ZNF546: variants seen among roughly 807,000 people sequenced by gnomAD.
ZNF546 encodes zinc finger protein 546.
In ZNF546, 60 loss-of-function variants were observed where a neutral mutation model predicts 76.2. The observed-to-expected ratio is 0.79, with a 90% CI of 0.64 to 0.98. ZNF546 has a LOEUF of 0.98. Ranked by LOEUF, ZNF546 falls within the 50% of genes least tolerant of loss-of-function variation. The pLI is 0.00. For missense variants in ZNF546, 936 were observed against 1,035.6 expected (o/e 0.90, Z 1.32); for synonymous variants, 277 against 328.1 (o/e 0.84, Z 1.68).
At chr19:39,999,580 A>AT (rs748100892) in intron 3 of ZNF546, 15,329 of 143,812 alleles carry the variant, frequency 0.11, 2,233 homozygotes, top group African/African-American at 0.33. Flanking sequence ...TTTTAGCAAG[A>AT]TTTTTTTTTT....
chr19:40,017,966 C>CTTTTTTTTTT lies in ZNF546; in HGVS notation c.*2205_*2214dup, dbSNP rs1186230239. 3.2e-4 allele frequency: 20 copies of CTTTTTTTTTT among 63,086 alleles called. 4 individuals carry two copies. Among genetic ancestry groups the CTTTTTTTTTT allele is most frequent in the African/African-American group, 8.7e-4 (12 of 13,716 alleles). The allele number at this position is 63,086 out of a possible 1,614,324, so 3.9% of individuals were successfully genotyped here. On this transcript the variant is annotated 3_prime_UTR_variant, in exon 7 of 7. Coordinates refer to ENST00000347077, the MANE Select transcript of ZNF546 (RefSeq NM_178544.5). Reference sequence around the variant, plus strand: ...CCCCACAACTTTATTGCAACATTGACTTTTTTTTTTTTTTTTTTTTTTTTT... The same window carrying CTTTTTTTTTT: ...CCCCACAACTTTATTGCAACATTGACTTTTTTTTTTTTTTTTTTTTTTTTTTTTTTTTTTT...
In ZNF546 at chr19:40,015,205, C is replaced by A; in HGVS notation, c.1935C>A (p.Ala645=). The A allele has an allele frequency of 4.3e-6, 7 of 1,613,852 alleles. No individual in the cohort carries two copies. The highest frequency in any genetic ancestry group is 5.9e-6 in the Non-Finnish European group (7 of 1,179,978). The stretch of plus-strand genomic sequence containing the variant: ...ATAAATGTACAGAATGTGGGAAGGC[C>A]TTTATTCGTAGCACTCATCTCACGC... ...KPYKCTECGK[A]FIRSTHLTQH... is the part of the protein sequence containing the mutation. The change falls in exon 7 of 7, where the codon GCC becomes GCA. Residue 645 remains alanine (A), a synonymous_variant. Transcript: ENST00000347077.
At chr19:40,004,679 TCTCA>T (rs921902882) in intron 3 of ZNF546, among the ~76,000 whole-genome samples, 1 of 152,060 alleles carries the variant, frequency 6.6e-6, no homozygotes, top group Admixed American at 6.6e-5. Context: ...TTTTTCTCTC[TCTCA>T]GTTTCTGCCT....
chr19:40,008,644 G>A, intron 6 of ZNF546, 79 bp downstream of exon 6: 1 of 1,169,312 alleles, frequency 8.6e-7, no homozygotes, highest in Non-Finnish European at 1.2e-6. Context: ...ACAGCACTGA[G>A]TTGTTTGGAA....
chr19:40,010,728 G>A (rs1454846595), intron 6 of ZNF546, among the ~76,000 whole-genome samples: 1 of 151,998 alleles, frequency 6.6e-6, no homozygotes, highest in Non-Finnish European at 1.5e-5. Flanking sequence ...TGTTGCCCAG[G>A]CTGGAATGCA....
chr19:40,014,621 C>G lies in ZNF546; in HGVS notation c.1351C>G (p.Arg451Gly). ...ATGTAGAGAATGTGGAAAAGCCTTT[C>G]GTCTTCAAACGGAACTTACTCGGCA... Reference protein sequence around the residue: ...YECRECGKAFRLQTELTRHHR... With the variant: ...YECRECGKAFGLQTELTRHHR... Residue 451 changes from arginine (R) to glycine (G), a missense_variant, in exon 7 of 7, where the codon CGT (arginine) becomes GGT (glycine). Coordinates refer to ENST00000347077, the MANE Select transcript of ZNF546 (RefSeq NM_178544.5). The G allele has an allele frequency of 6.2e-7, 1 of 1,610,908 alleles. No individual in the cohort carries two copies. Among genetic ancestry groups the G allele is most frequent in the African/African-American group, 1.3e-5 (1 of 74,152 alleles).
rs1196789833 is a variant in ZNF546 at position 40,020,521 on chromosome 19, A to G, written c.*4740A>G. The G allele has an allele frequency of 1.3e-5, 2 of 152,234 alleles. No individual in the cohort carries two copies. The highest frequency in any genetic ancestry group is 4.8e-5 in the African/African-American group (2 of 41,468). The allele number at this position is 152,234 out of a possible 1,614,324, so 9.4% of individuals were successfully genotyped here. On this transcript the variant is annotated 3_prime_UTR_variant, in exon 7 of 7. Transcript: ENST00000347077. ...TATCTAAAAGAACATCTCTGGGAAC[A>G]GTAGTACTTAATGGCAACTTGAGAA... is the stretch of plus-strand genomic sequence containing the variant.
chr19:40,008,117 T>C (rs910728310), intron 5 of ZNF546, among the ~76,000 whole-genome samples: 2 of 152,156 alleles, frequency 1.3e-5, no homozygotes, highest in African/African-American at 4.8e-5. Flanking sequence ...TTGATAAAAG[T>C]GAATATGTGC....
rs79045017 is a variant in ZNF546, at chr19:40,005,942, C to T, written c.85-154C>T. On this transcript the variant is annotated intron_variant, in intron 3 of 6. Coordinates refer to ENST00000347077, the MANE Select transcript of ZNF546 (RefSeq NM_178544.5). Reference sequence around the variant, plus strand: ...ACCGTGGGCATGAATTTACACCACCCCAGCCTTGATATTGAGATATCTTCC... The same window carrying T: ...ACCGTGGGCATGAATTTACACCACCTCAGCCTTGATATTGAGATATCTTCC... 9.4e-3 allele frequency among the ~76,000 whole-genome samples: 1,432 copies of T among 152,228 alleles called. 22 individuals carry two copies. Among genetic ancestry groups the T allele is most frequent in the African/African-American group, 0.026 (1,091 of 41,516 alleles).
At chr19:40,010,726 A>G (rs567203756) in intron 6 of ZNF546, among the ~76,000 whole-genome samples, 1 of 152,178 alleles carries the variant, frequency 6.6e-6, no homozygotes, top group South Asian at 2.1e-4. Context: ...TCTGTTGCCC[A>G]GGCTGGAATG....
rs186625248 is a variant in ZNF546 at position 39,997,460 on chromosome 19, T to C, written c.-135+303T>C. 1.5e-3 allele frequency among the ~76,000 whole-genome samples: 235 copies of C among 152,226 alleles called. 1 individual carries two copies. Among genetic ancestry groups the C allele is most frequent in the African/African-American group, 5.5e-3 (227 of 41,522 alleles). On this transcript the variant is annotated intron_variant, in intron 1 of 6. Coordinates refer to ENST00000347077, the MANE Select transcript of ZNF546 (RefSeq NM_178544.5). The stretch of plus-strand genomic sequence containing the variant: ...CCCTCTACCCTCCTCACGGCCTCGG[T>C]GTTTGCACACAGCAGTGTCCCCAAG...
At position 40,015,120 on chromosome 19, in the gene ZNF546, C is replaced by A. The variant is rs1348387896; in HGVS notation, c.1850C>A (p.Ala617Asp). 6.2e-7 allele frequency: 1 copy of A among 1,614,024 alleles called. No individual in the cohort carries two copies. The highest frequency in any genetic ancestry group is 1.1e-5 in the South Asian group (1 of 91,076). The change falls in exon 7 of 7, where the codon GCC (alanine) becomes GAC (aspartate). Residue 617 changes from alanine to aspartate, a missense_variant. Transcript: ENST00000347077. The part of the protein sequence containing the change: ...KPYICNECGK[A>D]FRFQTELTQH... ...TACATATGTAATGAATGTGGGAAAG[C>A]CTTTCGATTTCAAACAGAACTTACT...
intron 6 of ZNF546, among the ~76,000 whole-genome samples, chr19:40,009,867 G>T (rs1054460201): frequency 4.6e-5 from 7 of 151,608 alleles, no homozygotes; most frequent in Non-Finnish European, 1.0e-4. Context: ...TCTTTTCATT[G>T]TTGAGTAGTA....
chr19:40,019,029 G>A lies in ZNF546; in HGVS notation c.*3248G>A, dbSNP rs1971819025. 1 of 152,194 alleles carries A rather than the reference G, an allele frequency of 6.6e-6. No individual in the cohort carries two copies. Among genetic ancestry groups the A allele is most frequent in the South Asian group, 2.1e-4 (1 of 4,830 alleles). 9.4% of individuals were successfully genotyped at this position (152,194 alleles called of 1,614,324 possible). On this transcript the variant is annotated 3_prime_UTR_variant, in exon 7 of 7. Coordinates refer to ENST00000347077, the MANE Select transcript of ZNF546 (RefSeq NM_178544.5). ...GTAATCACCAGGTTTCTCTGTTGTA[G>A]AGCTAAATATTTCTTTTAATTTAGT...
At chr19:40,001,079 G>C (rs917347214) in intron 3 of ZNF546, among the ~76,000 whole-genome samples, 2 of 151,980 alleles carry the variant, frequency 1.3e-5, no homozygotes, top group African/African-American at 4.8e-5. Flanking sequence ...GTTCATAATA[G>C]GGTTCGCACT....
At position 40,016,567 on chromosome 19, in the gene ZNF546, C is replaced by G. The variant is rs1971771755; in HGVS notation, c.*786C>G. The G allele has an allele frequency of 1.3e-5, 2 of 152,042 alleles. No homozygotes were observed. The highest frequency in any genetic ancestry group is 4.8e-5 in the African/African-American group (2 of 41,414). 9.4% of individuals were successfully genotyped at this position (152,042 alleles called of 1,614,324 possible). Reference sequence around the variant, plus strand: ...TACCAGAAAAATGAAAAGAAAAAAACAGACATACAAAATAAAAGCCCCAGT... The same window carrying G: ...TACCAGAAAAATGAAAAGAAAAAAAGAGACATACAAAATAAAAGCCCCAGT... On this transcript the variant is annotated 3_prime_UTR_variant, in exon 7 of 7. Coordinates refer to ENST00000347077, the MANE Select transcript of ZNF546 (RefSeq NM_178544.5).
intron 3 of ZNF546, among the ~76,000 whole-genome samples, chr19:40,004,050 ATG>A: frequency 7.2e-6 from 1 of 139,556 alleles, no homozygotes; most frequent in East Asian, 2.0e-4. Flanking sequence ...ATATATTTAT[ATG>A]TATTTATATA....
Position 40,015,946 on chromosome 19 carries a change from G to T in ZNF546, c.*165G>T. On this transcript the variant is annotated 3_prime_UTR_variant, in exon 7 of 7. Transcript: ENST00000347077. ...AGTCGAAAGACTATAGCATCACTCA[G>T]TCCCTGTTAGACTTTAGAAGATTGA... The T allele has an allele frequency of 1.5e-6, 1 of 666,798 alleles. No individual in the cohort carries two copies. Among genetic ancestry groups the T allele is most frequent in the South Asian group, 1.9e-5 (1 of 52,020 alleles). 41.3% of individuals were successfully genotyped at this position (666,798 alleles called of 1,614,324 possible). A position where few individuals can be genotyped will look rare whatever the true frequency, so the allele number is the denominator to read the frequency against.
rs1487052470 is a variant in ZNF546 at position 40,018,888 on chromosome 19, C to T, written c.*3107C>T. The T allele has an allele frequency of 6.6e-6, 1 of 152,240 alleles. No homozygotes were observed. The highest frequency in any genetic ancestry group is 1.5e-5 in the Non-Finnish European group (1 of 68,084). The allele number at this position is 152,240 out of a possible 1,614,324, so 9.4% of individuals were successfully genotyped here. A position where few individuals can be genotyped will look rare whatever the true frequency, so the allele number is the denominator to read the frequency against. ...TAAGTGGAGCAGAGAAAAGCTTTCC[C>T]CCATGAGCCTGCCCAAATTGCAGAT... On this transcript the variant is annotated 3_prime_UTR_variant, in exon 7 of 7. Transcript: ENST00000347077.
Sources: gnomAD v4.1 joint callset for allele counts (sites outside exome capture counted in the v4.1 genomes callset) on GRCh38, gnomAD v4.1.1 for gene constraint, MANE v1.5 for transcripts, NCBI Gene and HGNC (gene_info 2026-07-23, HGNC 2026-07-21) for gene names.